Variants in MALRD1 observed in about 807,000 individuals in gnomAD.
The protein encoded by MALRD1 is MAM and LDL-receptor class A domain-containing protein 1.
MALRD1 carries 247 observed loss-of-function variants against 242.1 expected under a neutral mutation model. The observed-to-expected ratio is 1.02, with a 90% CI of 0.92 to 1.13. The LOEUF (loss-of-function observed/expected upper bound fraction) is 1.13. Ranked by LOEUF, MALRD1 falls within the 50% of genes most tolerant of loss-of-function variation. The pLI, the probability that MALRD1 is intolerant of heterozygous loss-of-function variation, is 0.00. For missense variants in MALRD1, 2,989 were observed against 2,533.1 expected, an observed-to-expected ratio of 1.18 and a Z score of -3.86; for synonymous variants, 995 against 866.6, an observed-to-expected ratio of 1.15 and a Z score of -2.60.
chr10:19,136,604 A>G lies in MALRD1; in HGVS notation c.1234A>G (p.Arg412Gly), dbSNP rs1833348553. Residue 412 changes from arginine to glycine, a missense_variant, in exon 10 of 40, where the codon AGA becomes GGA. Arg to Gly is a moderately radical substitution (Grantham distance 125). Transcript: ENST00000454679. Reference sequence around the variant, plus strand: ...TTTTGAAGGGACTCTTTTGAGCCAGAGAAGTTTTATTGCCCTTGATCACCT... The same window carrying G: ...TTTTGAAGGGACTCTTTTGAGCCAGGGAAGTTTTATTGCCCTTGATCACCT... The part of the protein sequence containing the change: ...IIFEGTLLSQ[R>G]SFIALDHLWV... The G allele has an allele frequency of 2.4e-6, 3 of 1,231,680 alleles. No individual in the cohort carries two copies. Among genetic ancestry groups the G allele is most frequent in the Non-Finnish European group, 3.0e-6 (3 of 987,924 alleles). 76.3% of individuals were successfully genotyped at this position (1,231,680 alleles called of 1,614,324 possible). A position where few individuals can be genotyped will look rare whatever the true frequency, so the allele number is the denominator to read the frequency against.
chr10:19,421,002 T>C (rs945235738), intron 28 of MALRD1, among the ~76,000 whole-genome samples: 5 of 152,214 alleles, frequency 3.3e-5, no homozygotes, highest in Non-Finnish European at 7.3e-5. Flanking sequence ...ACTTGCAAAA[T>C]GACTCTACCC....
intron 33 of MALRD1, among the ~76,000 whole-genome samples, chr10:19,590,944 AAAGTT>A (rs1422611180): frequency 6.6e-6 from 1 of 152,146 alleles, no homozygotes; most frequent in African/African-American, 2.4e-5. Context: ...CTTTGTGTTG[AAAGTT>A]CTGTGAACTT....
chr10:19,328,458 G>C (rs1318820297), intron 23 of MALRD1, among the ~76,000 whole-genome samples: 1 of 152,062 alleles, frequency 6.6e-6, no homozygotes, highest in Non-Finnish European at 1.5e-5. Context: ...CATGAATTTA[G>C]AGCCGTTTAT....
chr10:19,278,443 G>GTCCATCCATCCATCCATCCA (rs150208541), intron 19 of MALRD1, among the ~76,000 whole-genome samples: 17 of 149,060 alleles, frequency 1.1e-4, no homozygotes, highest in Non-Finnish European at 2.5e-4. Context: ...TCATTCATCT[G>GTCCATCCATCCATCCATCCA]TCCATCCATC....
At chr10:19,345,459 T>C (rs1429229261) in intron 24 of MALRD1, among the ~76,000 whole-genome samples, 1 of 152,158 alleles carries the variant, frequency 6.6e-6, no homozygotes, top group Non-Finnish European at 1.5e-5. Flanking sequence ...TGGGGTTCAT[T>C]ATTATTTTCC....
chr10:19,308,937 A>T (rs1227541079), intron 21 of MALRD1, among the ~76,000 whole-genome samples: 3 of 151,612 alleles, frequency 2.0e-5, no homozygotes. Flanking sequence ...GACTAATATT[A>T]TATTGAGTAT....
chr10:19,474,380 A>T (rs1216281736), intron 29 of MALRD1, among the ~76,000 whole-genome samples: 1 of 152,138 alleles, frequency 6.6e-6, no homozygotes, highest in African/African-American at 2.4e-5. Flanking sequence ...GATTTGAGTA[A>T]AAGTGTCCAA....
At chr10:19,559,562 G>A (rs149046109) in intron 32 of MALRD1, among the ~76,000 whole-genome samples, 2 of 151,972 alleles carry the variant, frequency 1.3e-5, no homozygotes, top group Non-Finnish European at 2.9e-5. Context: ...TGTAGAATTC[G>A]TGTGTGAATC....
At chr10:19,299,792 C>G (rs1841865735) in intron 21 of MALRD1, among the ~76,000 whole-genome samples, 1 of 151,850 alleles carries the variant, frequency 6.6e-6, no homozygotes, top group South Asian at 2.1e-4. Context: ...GGAAGCATTC[C>G]TCCTGAGAAC....
intron 26 of MALRD1, among the ~76,000 whole-genome samples, chr10:19,386,222 A>T (rs117301537): frequency 0.044 from 6,763 of 152,188 alleles, 213 homozygotes; most frequent in South Asian, 0.076. Flanking sequence ...AGGTTGTATC[A>T]CCAGCCGTTT....
intron 34 of MALRD1, among the ~76,000 whole-genome samples, chr10:19,606,022 G>A (rs1301917056): frequency 6.6e-6 from 1 of 152,032 alleles, no homozygotes; most frequent in African/African-American, 2.4e-5. Context: ...AGCGTTTTCA[G>A]TCAATGGAGA....
At chr10:19,698,873 A>G (rs1833491640) in intron 38 of MALRD1, among the ~76,000 whole-genome samples, 1 of 152,186 alleles carries the variant, frequency 6.6e-6, no homozygotes, top group South Asian at 2.1e-4. Flanking sequence ...TAAAAAATGA[A>G]TGAGTTCATG....
chr10:19,425,906 C>T (rs1485105501), intron 28 of MALRD1, among the ~76,000 whole-genome samples: 1 of 152,134 alleles, frequency 6.6e-6, no homozygotes, highest in Admixed American at 6.5e-5. Flanking sequence ...GCCCAAATCC[C>T]AGAGCACTAA....
chr10:19,171,855 TATATATAC>T (rs1834985894), intron 13 of MALRD1, among the ~76,000 whole-genome samples: 1 of 142,784 alleles, frequency 7.0e-6, no homozygotes, highest in African/African-American at 2.6e-5. Context: ...TACACATACA[TATATATAC>T]ATATATACAC....
intron 32 of MALRD1, among the ~76,000 whole-genome samples, chr10:19,545,373 C>T (rs1395036900): frequency 6.6e-6 from 1 of 152,128 alleles, no homozygotes; most frequent in Non-Finnish European, 1.5e-5. Flanking sequence ...ATATGCATTT[C>T]AGATAAGTGC....
chr10:19,307,362 A>G (rs924375155), intron 21 of MALRD1, among the ~76,000 whole-genome samples: 3 of 151,372 alleles, frequency 2.0e-5, no homozygotes, highest in African/African-American at 7.3e-5. Flanking sequence ...CTGGGACCCG[A>G]TTTCTATGAG....
At chr10:19,277,964 A>C (rs1840616545) in intron 19 of MALRD1, among the ~76,000 whole-genome samples, 1 of 152,192 alleles carries the variant, frequency 6.6e-6, no homozygotes, top group Non-Finnish European at 1.5e-5. Context: ...ATGTTAGAGC[A>C]ACCTACAATT....
chr10:19,393,612 ATT>A (rs71387075), intron 28 of MALRD1, among the ~76,000 whole-genome samples: 13 of 132,380 alleles, frequency 9.8e-5, no homozygotes, highest in South Asian at 2.4e-4. Context: ...CGCCTGGCTA[ATT>A]TTTTTTTTTT....
At chr10:19,471,521 G>T (rs1349998925) in intron 29 of MALRD1, among the ~76,000 whole-genome samples, 1 of 151,498 alleles carries the variant, frequency 6.6e-6, no homozygotes, top group African/African-American at 2.4e-5. Context: ...ATCACTTTGG[G>T]TAGTATAGAC....
Sources: allele counts gnomAD v4.1 joint callset (sites outside exome capture counted in the v4.1 genomes callset), GRCh38; gene constraint gnomAD v4.1.1; transcripts MANE v1.5; gene names NCBI Gene and HGNC (gene_info 2026-07-23, HGNC 2026-07-21).